The following ROBO2 variants were observed in gnomAD, a reference collection of about 807,000 sequenced individuals.
ROBO2 encodes roundabout homolog 2.
In ROBO2, 53 loss-of-function variants were observed where a neutral mutation model predicts 160.8. The observed-to-expected ratio is 0.33, with a 90% CI of 0.26 to 0.41. The LOEUF (loss-of-function observed/expected upper bound fraction) is 0.41. ROBO2 is among the 10% of genes least tolerant of loss of function. The pLI, the probability that ROBO2 is intolerant of heterozygous loss-of-function variation, is 1.00. For missense variants in ROBO2, 1,577 were observed against 1,722.4 expected (o/e 0.92, Z 1.49); for synonymous variants, 664 against 611.7 (o/e 1.09, Z -1.26).
At chr3:77,352,166 A>T (rs1316069708) in intron 2 of ROBO2, among the ~76,000 whole-genome samples, 4 of 151,604 alleles carry the variant, frequency 2.6e-5, no homozygotes, top group Non-Finnish European at 5.9e-5. Flanking sequence ...AGAGGACCTT[A>T]TTTTAAACTC....
chr3:76,759,977 AC>A (rs2061210366), intron 2 of ROBO2, among the ~76,000 whole-genome samples: 1 of 151,742 alleles, frequency 6.6e-6, no homozygotes, highest in Non-Finnish European at 1.5e-5. Context: ...CTCATCCATA[AC>A]ATTGAACCAG....
At chr3:76,962,138 C>A (rs1484493478) in intron 2 of ROBO2, among the ~76,000 whole-genome samples, 1 of 152,110 alleles carries the variant, frequency 6.6e-6, no homozygotes, top group African/African-American at 2.4e-5. Flanking sequence ...AGTTCAAGAC[C>A]AGACTGGCCA....
chr3:77,615,518 T>C (rs2153701515), intron 21 of ROBO2, among the ~76,000 whole-genome samples: 1 of 152,342 alleles, frequency 6.6e-6, no homozygotes, highest in East Asian at 1.9e-4. Context: ...ATCTAGCCTC[T>C]GGAAACTACT....
chr3:77,445,811 T>TTTTG (rs999662928), intron 2 of ROBO2, among the ~76,000 whole-genome samples: 2 of 136,516 alleles, frequency 1.5e-5, no homozygotes, highest in African/African-American at 5.6e-5. Flanking sequence ...TTTTTTTTTT[T>TTTTG]GCTAATTTTA....
At chr3:76,341,796 G>T (rs2074245438) in intron 2 of ROBO2, among the ~76,000 whole-genome samples, 1 of 152,082 alleles carries the variant, frequency 6.6e-6, no homozygotes, top group African/African-American at 2.4e-5. Context: ...TGTTTAAAAT[G>T]GGACGTAAAA....
At chr3:76,597,776 T>C (rs1036829706) in intron 2 of ROBO2, among the ~76,000 whole-genome samples, 7 of 152,022 alleles carry the variant, frequency 4.6e-5, no homozygotes, top group Admixed American at 2.0e-4. Flanking sequence ...CTCCCACTTA[T>C]AAGTGAGAAC....
chr3:77,218,920 A>G (rs2085343019), intron 2 of ROBO2, among the ~76,000 whole-genome samples: 1 of 151,776 alleles, frequency 6.6e-6, no homozygotes, highest in African/African-American at 2.4e-5. Context: ...GAATGAGTGG[A>G]ATTTTCATTT....
At chr3:76,957,126 G>A (rs2079329450) in intron 2 of ROBO2, among the ~76,000 whole-genome samples, 1 of 151,894 alleles carries the variant, frequency 6.6e-6, no homozygotes, top group Non-Finnish European at 1.5e-5. Context: ...ATATTTGTCT[G>A]TTGCTGTGTT....
intron 13 of ROBO2, among the ~76,000 whole-genome samples, chr3:77,568,994 CTTG>C (rs1329947184): frequency 6.6e-6 from 1 of 151,928 alleles, no homozygotes; most frequent in African/African-American, 2.4e-5. Flanking sequence ...GGCTTTGTTT[CTTG>C]TTGTTATCAA....
intron 2 of ROBO2, among the ~76,000 whole-genome samples, chr3:77,165,107 T>C (rs1173430002): frequency 2.0e-5 from 3 of 151,932 alleles, no homozygotes; most frequent in East Asian, 3.9e-4. Context: ...ATGGCGGTTT[T>C]GTGGAATGGA....
At chr3:76,570,418 G>A (rs2084887128) in intron 2 of ROBO2, among the ~76,000 whole-genome samples, 1 of 152,122 alleles carries the variant, frequency 6.6e-6, no homozygotes, top group Non-Finnish European at 1.5e-5. Flanking sequence ...AACTTAATGG[G>A]ATGTAAAAAA....
intron 2 of ROBO2, among the ~76,000 whole-genome samples, chr3:76,014,351 G>T (rs1246171160): frequency 8.1e-6 from 1 of 123,032 alleles, no homozygotes; most frequent in Admixed American, 8.1e-5. Flanking sequence ...GCAATTGGCG[G>T]CTGGCACGGT....
intron 2 of ROBO2, among the ~76,000 whole-genome samples, chr3:76,432,837 A>AG (rs1238831912): frequency 6.6e-6 from 1 of 151,890 alleles, no homozygotes; most frequent in Non-Finnish European, 1.5e-5. Flanking sequence ...TTACAGTGAG[A>AG]GAAAAAAGAG....
chr3:77,109,496 A>G (rs1664927271), intron 2 of ROBO2, among the ~76,000 whole-genome samples: 1 of 152,212 alleles, frequency 6.6e-6, no homozygotes, highest in African/African-American at 2.4e-5. Flanking sequence ...AGAATGTGGT[A>G]TATGTGAGAG....
intron 1 of ROBO2, among the ~76,000 whole-genome samples, chr3:77,059,033 T>C (rs910636845): frequency 6.6e-6 from 1 of 152,190 alleles, no homozygotes; most frequent in Non-Finnish European, 1.5e-5. Context: ...GTGCTGAATA[T>C]GTTTATACCT....
chr3:76,760,004 C>T (rs893351865), intron 2 of ROBO2, among the ~76,000 whole-genome samples: 1 of 151,654 alleles, frequency 6.6e-6, no homozygotes, highest in Non-Finnish European at 1.5e-5. Flanking sequence ...CTCTTAAGTT[C>T]GTTCCAACTC....
chr3:77,129,287 G>A (rs1277176558), intron 2 of ROBO2, among the ~76,000 whole-genome samples: 3 of 152,166 alleles, frequency 2.0e-5, no homozygotes, highest in Admixed American at 2.0e-4. Flanking sequence ...ACTAAATCAA[G>A]CTATTAGGTT....
intron 2 of ROBO2, among the ~76,000 whole-genome samples, chr3:76,735,724 G>T (rs77115290): frequency 0.018 from 2,260 of 125,968 alleles, 18 homozygotes; most frequent in Non-Finnish European, 0.024. Context: ...ATCACGTACA[G>T]CTTCAGCCCA....
At position 76,039,808 on chromosome 3, in the gene ROBO2, T is replaced by G. The variant is rs75941245; in HGVS notation, c.109+102206T>G. On this transcript the variant is annotated intron_variant, in intron 2 of 26. Transcript: ENST00000487694. Reference sequence around the variant, plus strand: ...TTTGTATATGATGTAATGAAAGGCTTTGTAAAGTTTATTTGCATAGGGGAT... The same window carrying G: ...TTTGTATATGATGTAATGAAAGGCTGTGTAAAGTTTATTTGCATAGGGGAT... Among the ~76,000 whole-genome samples the G allele has an allele frequency of 7.0e-3, 1,066 of 152,138 alleles. 65 individuals are homozygous for G. In the East Asian group the frequency reaches 0.15, roughly 22 times the overall value.
Sources: allele counts gnomAD v4.1 joint callset (sites outside exome capture counted in the v4.1 genomes callset), GRCh38; gene constraint gnomAD v4.1.1; transcripts MANE v1.5; gene names NCBI Gene and HGNC (gene_info 2026-07-23, HGNC 2026-07-21).